The following CALN1 variants were observed in gnomAD, a reference collection of about 807,000 sequenced individuals.
CALN1 encodes calneuron 1, also known as calcium-binding protein 8.
CALN1 carries 17 observed loss-of-function variants against 30.6 expected under a neutral mutation model. The observed-to-expected ratio is 0.56, with a 90% CI of 0.38 to 0.83. The LOEUF (loss-of-function observed/expected upper bound fraction) is 0.83. Ranked by LOEUF, CALN1 falls within the 40% of genes least tolerant of loss-of-function variation. CALN1 has a pLI of 0.00. For missense variants in CALN1, 291 were observed against 354.9 expected, an observed-to-expected ratio of 0.82 and a Z score of 1.45; for synonymous variants, 156 against 131.4, an observed-to-expected ratio of 1.19 and a Z score of -1.28.
intron 3 of CALN1, among the ~76,000 whole-genome samples, chr7:72,118,266 T>C (rs1808135782): frequency 6.6e-6 from 1 of 152,198 alleles, no homozygotes; most frequent in Non-Finnish European, 1.5e-5. Context: ...TCTCAGGTTA[T>C]GAAAAATAAT....
intron 4 of CALN1, among the ~76,000 whole-genome samples, chr7:72,047,236 A>T (rs1433453843): frequency 6.6e-6 from 1 of 152,204 alleles, no homozygotes; most frequent in African/African-American, 2.4e-5. Context: ...GATATGGCCA[A>T]TGAAAGCCTT....
rs146599911 is a variant in CALN1, at chr7:71,791,996, G to A, written c.659-4094C>T. ...ACTGCACTCCAGTCTGGGAGGCAGC[G>A]AGACTCCGTCTCAAAAAAAGAAAAA... On this transcript the variant is annotated intron_variant, in intron 6 of 6. Coordinates refer to ENST00000395275, the MANE Select transcript of CALN1 (RefSeq NM_031468.4). Among the ~76,000 whole-genome samples, 131 of 151,404 alleles carry A rather than the reference G, an allele frequency of 8.7e-4. 6 individuals are homozygous for A. The South Asian group carries it at 0.021, about 24-fold the overall frequency.
intron 2 of CALN1, among the ~76,000 whole-genome samples, chr7:72,350,154 T>TA (rs1458443781): frequency 6.6e-6 from 1 of 152,204 alleles, no homozygotes; most frequent in Non-Finnish European, 1.5e-5. Flanking sequence ...TTCAATCTAC[T>TA]GCTTTGGCTA....
At chr7:72,219,689 ACACATGCAATGCACACACACGCAC>A (rs964295226) in intron 3 of CALN1, among the ~76,000 whole-genome samples, 9 of 58,614 alleles carry the variant, frequency 1.5e-4, no homozygotes, top group Non-Finnish European at 3.4e-4. Flanking sequence ...ATACACATGC[ACACATGCAATGCACACACACGCAC>A]GTGCACACAT....
chr7:72,303,767 T>TG (rs1208746090), intron 2 of CALN1, among the ~76,000 whole-genome samples: 1 of 151,888 alleles, frequency 6.6e-6, no homozygotes, highest in East Asian at 1.9e-4. Context: ...CCCAACACTT[T>TG]GGGAGGCCGA....
Position 72,102,053 on chromosome 7 carries a change from A to G in CALN1, c.388+4098T>C, listed in dbSNP as rs563125761. On this transcript the variant is annotated intron_variant, in intron 4 of 6. Transcript: ENST00000395275. ...AAAGCTTATTTTATTTTTAAGATGGAGTTTCACTCTTTGTCACCCAGGCTG... is the reference window on the plus strand; with the variant it reads ...AAAGCTTATTTTATTTTTAAGATGGGGTTTCACTCTTTGTCACCCAGGCTG... Among the ~76,000 whole-genome samples the G allele has an allele frequency of 2.6e-5, 4 of 152,256 alleles. No individual in the cohort carries two copies. In the South Asian group the frequency reaches 8.3e-4, roughly 32 times the overall value.
At chr7:72,378,013 G>A (rs893685869) in intron 2 of CALN1, among the ~76,000 whole-genome samples, 5 of 149,226 alleles carry the variant, frequency 3.4e-5, no homozygotes, top group African/African-American at 7.5e-5. Flanking sequence ...CCAGCCATTC[G>A]TCCTGAACTT....
chr7:71,819,925 C>A (rs967616777), intron 5 of CALN1, among the ~76,000 whole-genome samples: 1 of 152,144 alleles, frequency 6.6e-6, no homozygotes, highest in Non-Finnish European at 1.5e-5. Flanking sequence ...CAGCCAAGGG[C>A]ATTCCAAAGT....
chr7:72,251,631 G>C (rs897755036), intron 3 of CALN1, among the ~76,000 whole-genome samples: 4 of 152,000 alleles, frequency 2.6e-5, no homozygotes, highest in African/African-American at 9.7e-5. Context: ...AAACTTCTGG[G>C]CTCAAGTAAT....
intron 3 of CALN1, among the ~76,000 whole-genome samples, chr7:72,137,875 T>C (rs938635833): frequency 2.6e-5 from 4 of 152,190 alleles, no homozygotes; most frequent in Non-Finnish European, 5.9e-5. Context: ...GATATAAATA[T>C]AGCATATCTA....
At chr7:72,146,632 T>C (rs1299241494) in intron 3 of CALN1, among the ~76,000 whole-genome samples, 4 of 152,264 alleles carry the variant, frequency 2.6e-5, no homozygotes, top group South Asian at 4.1e-4. Flanking sequence ...AAAGTTCATA[T>C]GGAACCAAAA....
the CALN1 span, among the ~76,000 whole-genome samples, chr7:72,501,370 T>TAAAAAAAAAAAAAAAAAAAAAAAAAAAAA: frequency 7.0e-5 from 3 of 42,798 alleles, no homozygotes; most frequent in Non-Finnish European, 1.2e-4. Flanking sequence ...ACGTCTCTAT[T>TAAAAAAAAAAAAAAAAAAAAAAAAAAAAA]AAAAAAAAAA....
chr7:72,284,263 C>T lies in CALN1; in HGVS notation c.120-5453G>A, dbSNP rs139799834. Among the ~76,000 whole-genome samples, 643 of 152,206 alleles carry T rather than the reference C, an allele frequency of 4.2e-3. 1 individual carries two copies. Among genetic ancestry groups the T allele is most frequent in the Non-Finnish European group, 6.6e-3 (447 of 67,992 alleles). On this transcript the variant is annotated intron_variant, in intron 2 of 6. Coordinates refer to ENST00000395275, the MANE Select transcript of CALN1 (RefSeq NM_031468.4). ...TGAACTGTGATCTTGCCACTGCCCT[C>T]CAGCCTGGGCAACAGAGGGAGACCT...
chr7:71,872,833 C>T (rs1266331929), intron 5 of CALN1, among the ~76,000 whole-genome samples: 3 of 151,278 alleles, frequency 2.0e-5, no homozygotes, highest in East Asian at 2.0e-4. Context: ...AGGCTGACCT[C>T]GAACTCTTGA....
At chr7:72,080,498 T>C (rs1057249105) in intron 4 of CALN1, among the ~76,000 whole-genome samples, 1 of 152,260 alleles carries the variant, frequency 6.6e-6, no homozygotes, top group Admixed American at 6.5e-5. Context: ...GGATGGCACA[T>C]AGAGGGTGTT....
chr7:72,061,342 T>C (rs1207688152), intron 4 of CALN1, among the ~76,000 whole-genome samples: 1 of 152,360 alleles, frequency 6.6e-6, no homozygotes, highest in Non-Finnish European at 1.5e-5. Context: ...AAGATGTTAA[T>C]GAAACCATTA....
chr7:72,292,816 G>T (rs6954119), intron 2 of CALN1, among the ~76,000 whole-genome samples: 4 of 6,088 alleles, frequency 6.6e-4, no homozygotes, highest in East Asian at 4.7e-3. Context: ...ACAATACTCT[G>T]TCTCAAAAAA....
chr7:72,366,503 T>A (rs1009713714), intron 2 of CALN1, among the ~76,000 whole-genome samples: 1 of 149,660 alleles, frequency 6.7e-6, no homozygotes, highest in East Asian at 2.0e-4. Context: ...AAAATTTCAA[T>A]AGCTGTTGGG....
intron 2 of CALN1, among the ~76,000 whole-genome samples, chr7:72,311,556 T>C (rs1291805260): frequency 6.6e-6 from 1 of 151,720 alleles, no homozygotes; most frequent in Non-Finnish European, 1.5e-5. Flanking sequence ...CTCGGCTCAC[T>C]GCAGCCTCAA....
Sources: allele counts gnomAD v4.1 joint callset (sites outside exome capture counted in the v4.1 genomes callset), GRCh38; gene constraint gnomAD v4.1.1; transcripts MANE v1.5; gene names NCBI Gene and HGNC (gene_info 2026-07-23, HGNC 2026-07-21).